IL15RA: variants seen among roughly 807,000 people sequenced by gnomAD.
IL15RA encodes the protein interleukin 15 receptor subunit alpha.
A neutral mutation model predicts 24.2 loss-of-function variants in IL15RA; 26 were observed. The ratio of observed to expected loss-of-function variants is 1.07; its 90% CI spans 0.79 to 1.49. IL15RA has a LOEUF of 1.49. Ranked by LOEUF, IL15RA falls within the 40% of genes most tolerant of loss-of-function variation. The pLI, the probability that IL15RA is intolerant of heterozygous loss-of-function variation, is 0.00. For synonymous variants in IL15RA, 166 were observed against 157.6 expected, an observed-to-expected ratio of 1.05 and a Z score of -0.40; for missense variants, 354 against 356.4, an observed-to-expected ratio of 0.99 and a Z score of 0.05.
rs1476408332 is a variant in IL15RA at position 5,961,394 on chromosome 10, AC to A, written c.383-828del. Among the ~76,000 whole-genome samples, 1 of 149,120 alleles carries A rather than the reference AC, an allele frequency of 6.7e-6. No homozygotes were observed. Among genetic ancestry groups the A allele is most frequent in the African/African-American group, 2.5e-5 (1 of 40,620 alleles). On this transcript the variant is annotated intron_variant, in intron 3 of 6. Coordinates refer to ENST00000379977, the MANE Select transcript of IL15RA (RefSeq NM_002189.4). The surrounding 1 kb of genome is among the most constrained non-coding windows in gnomAD (Gnocchi z 5.2). ...ACTCTAGCCTGGGGGACAGAGTGAG[AC>A]CCCTGTCTCTTAAAAAAAAAGGTGG...
chr10:5,956,782 G>T (rs972699542), intron 5 of IL15RA, among the ~76,000 whole-genome samples: 3 of 152,162 alleles, frequency 2.0e-5, no homozygotes, highest in Non-Finnish European at 2.9e-5. Flanking sequence ...AAAGCCAAGA[G>T]TGCGATGAGG....
rs751919329 is a variant in IL15RA at position 5,962,890 on chromosome 10, T to A, written c.382+853A>T. Among the ~76,000 whole-genome samples, 26 of 152,186 alleles carry A rather than the reference T, an allele frequency of 1.7e-4. No homozygotes were observed. Among genetic ancestry groups the A allele is most frequent in the Non-Finnish European group, 3.1e-4 (21 of 67,998 alleles). On this transcript the variant is annotated intron_variant, in intron 3 of 6. Transcript: ENST00000379977. This position sits in a 1 kb window ranked among gnomAD's most constrained non-coding sequence, Gnocchi z 5.2. ...CAGGGCGGAGGATCCCAAGAAAGCATCCAAGATTTCAAATTTTCTGAACAC... is the reference window on the plus strand; with the variant it reads ...CAGGGCGGAGGATCCCAAGAAAGCAACCAAGATTTCAAATTTTCTGAACAC...
downstream of IL15RA, among the ~76,000 whole-genome samples, chr10:5,951,499 G>A (rs1002559897): frequency 3.3e-5 from 5 of 152,058 alleles, no homozygotes; most frequent in Admixed American, 6.6e-5. Context: ...CTCCCCTCCC[G>A]CCCCACCTAC....
Position 5,952,947 on chromosome 10 carries a change from G to A in IL15RA, c.*148C>T, listed in dbSNP as rs1390278764. Reference sequence around the variant, plus strand: ...TCCCTCGCGCAGGAGGCGCCGACCCGGCAGTCCGTGAGATCCTGCTGGGAC... The same window carrying A: ...TCCCTCGCGCAGGAGGCGCCGACCCAGCAGTCCGTGAGATCCTGCTGGGAC... On this transcript the variant is annotated 3_prime_UTR_variant, in exon 7 of 7. Coordinates refer to ENST00000379977, the MANE Select transcript of IL15RA (RefSeq NM_002189.4). 4.8e-5 allele frequency: 32 copies of A among 662,062 alleles called. No homozygotes were observed. Among genetic ancestry groups the A allele is most frequent in the Non-Finnish European group, 7.8e-5 (29 of 371,940 alleles). 41.0% of individuals were successfully genotyped at this position (662,062 alleles called of 1,614,324 possible).
At chr10:5,957,401 G>A (rs1834707173) in intron 5 of IL15RA, among the ~76,000 whole-genome samples, 1 of 151,782 alleles carries the variant, frequency 6.6e-6, no homozygotes, top group South Asian at 2.1e-4. Context: ...TCAGCCTCCC[G>A]AGTAGCTGGG....
At chr10:5,976,037 C>G (rs906141897) in intron 1 of IL15RA, among the ~76,000 whole-genome samples, 35 of 152,222 alleles carry the variant, frequency 2.3e-4, no homozygotes, top group African/African-American at 8.2e-4. Flanking sequence ...GCTCCCCTAT[C>G]CACTCAGTCT....
Position 5,953,141 on chromosome 10 carries a change from G to T in IL15RA, c.758C>A (p.Thr253Asn). Residue 253 changes from threonine to asparagine, a missense_variant, in exon 7 of 7, where the codon ACC becomes AAC. Transcript: ENST00000379977. The surrounding 1 kb of genome is among the most constrained non-coding windows in gnomAD (Gnocchi z 5.3). ...TTCCAAGTCTTCATCTCTGCTGCTG[G>T]TCCCCCAAGTCACCGGCAGAGCCTC... ...AMEALPVTWG[T>N]SSRDEDLENC... The T allele has an allele frequency of 6.2e-7, 1 of 1,614,218 alleles. No individual in the cohort carries two copies. Among genetic ancestry groups the T allele is most frequent in the Non-Finnish European group, 8.5e-7 (1 of 1,180,030 alleles).
In IL15RA at chr10:5,953,090, G is replaced by A. The variant is rs767592486; in HGVS notation, c.*5C>T. Reference sequence around the variant, plus strand: ...CGGACTTAGCTGGGCTGGTTTCCCCGAGTTTCATAGGTGGTGAGAGCAGTT... The same window carrying A: ...CGGACTTAGCTGGGCTGGTTTCCCCAAGTTTCATAGGTGGTGAGAGCAGTT... On this transcript the variant is annotated 3_prime_UTR_variant, in exon 7 of 7. Coordinates refer to ENST00000379977, the MANE Select transcript of IL15RA (RefSeq NM_002189.4). The surrounding 1 kb of genome is among the most constrained non-coding windows in gnomAD (Gnocchi z 5.3). The A allele has an allele frequency of 1.9e-5, 30 of 1,605,428 alleles. No homozygotes were observed. In the East Asian group the frequency reaches 3.8e-4, roughly 20 times the overall value.
chr10:5,963,797 C>A lies in IL15RA; in HGVS notation c.328G>T (p.Val110Leu), dbSNP rs766534160. The change falls in exon 3 of 7, where the codon GTA (valine) becomes TTA (leucine). Residue 110 changes from valine (V) to leucine (L), a missense_variant. By Grantham distance (32) the Val-to-Leu change is conservative. Coordinates refer to ENST00000379977, the MANE Select transcript of IL15RA (RefSeq NM_002189.4). The surrounding 1 kb of genome is among the most constrained non-coding windows in gnomAD (Gnocchi z 5.3). ...VHQRPAPPST[V>L]TTAGVTPQPE... ...TGTGGGGTCACCCCTGCCGTCGTTA[C>A]TGTGGAGGGTGGCGCTGGCCTTTGG... is the stretch of plus-strand genomic sequence containing the variant. 1.8e-5 allele frequency: 27 copies of A among 1,538,578 alleles called. No individual in the cohort carries two copies. Among genetic ancestry groups the A allele is most frequent in the Non-Finnish European group, 2.3e-5 (27 of 1,154,164 alleles).
rs41294167 is a variant in IL15RA, at chr10:5,962,945, C to T, written c.382+798G>A. On this transcript the variant is annotated intron_variant, in intron 3 of 6. Coordinates refer to ENST00000379977, the MANE Select transcript of IL15RA (RefSeq NM_002189.4). This position sits in a 1 kb window ranked among gnomAD's most constrained non-coding sequence, Gnocchi z 5.2. Reference sequence around the variant, plus strand: ...AAAGCGCTGAGGAAATTGGGCCTGACAAGCACCAAAGACTCTGTTGAAACA... The same window carrying T: ...AAAGCGCTGAGGAAATTGGGCCTGATAAGCACCAAAGACTCTGTTGAAACA... Among the ~76,000 whole-genome samples, 718 of 152,360 alleles carry T rather than the reference C, an allele frequency of 4.7e-3. 3 individuals are homozygous for T. Among genetic ancestry groups the T allele is most frequent in the Non-Finnish European group, 8.1e-3 (551 of 68,036 alleles).
chr10:5,975,832 G>A lies in IL15RA; in HGVS notation c.88+1573C>T, dbSNP rs1838359036. ...CGCTTGAACCCAGGAGGCGGAGGTT[G>A]CAGTGAGCTGAGATCGCGCTACTGC... On this transcript the variant is annotated intron_variant, in intron 1 of 6. Coordinates refer to ENST00000379977, the MANE Select transcript of IL15RA (RefSeq NM_002189.4). The surrounding 1 kb of genome is among the most constrained non-coding windows in gnomAD (Gnocchi z 4.8). 6.6e-6 allele frequency among the ~76,000 whole-genome samples: 1 copy of A among 152,200 alleles called. No homozygotes were observed. The highest frequency in any genetic ancestry group is 6.5e-5 in the Admixed American group (1 of 15,282).
chr10:5,976,244 C>G (rs964637285), intron 1 of IL15RA, among the ~76,000 whole-genome samples: 5 of 143,610 alleles, frequency 3.5e-5, no homozygotes, highest in African/African-American at 1.3e-4. Flanking sequence ...CTCATGAAAA[C>G]GAAACTTCAA....
Position 5,954,913 on chromosome 10 carries a change from G to A in IL15RA, c.692+1466C>T, listed in dbSNP as rs1170222183. On this transcript the variant is annotated intron_variant, in intron 6 of 6. Transcript: ENST00000379977. Reference sequence around the variant, plus strand: ...TTTTGAATTCTTTGGACAAATTTTTGAGTAACATATCAATGTTTGTTAATT... The same window carrying A: ...TTTTGAATTCTTTGGACAAATTTTTAAGTAACATATCAATGTTTGTTAATT... 3.3e-5 allele frequency among the ~76,000 whole-genome samples: 5 copies of A among 152,116 alleles called. No homozygotes were observed. The East Asian group carries it at 9.7e-4, about 29-fold the overall frequency.
At position 5,963,073 on chromosome 10, in the gene IL15RA, T is replaced by C. The variant is rs1835870429; in HGVS notation, c.382+670A>G. Among the ~76,000 whole-genome samples the C allele has an allele frequency of 6.6e-6, 1 of 152,188 alleles. No homozygotes were observed. Among genetic ancestry groups the C allele is most frequent in the Non-Finnish European group, 1.5e-5 (1 of 68,036 alleles). On this transcript the variant is annotated intron_variant, in intron 3 of 6. Coordinates refer to ENST00000379977, the MANE Select transcript of IL15RA (RefSeq NM_002189.4). The surrounding 1 kb of genome is among the most constrained non-coding windows in gnomAD (Gnocchi z 5.3). ...GGCAGCTCTCCACAGGTCTCTCACA[T>C]TTTTGCACATCTTGCAGACAGAGGA...
In IL15RA at chr10:5,963,671, G is replaced by T; in HGVS notation, c.382+72C>A. On this transcript the variant is annotated intron_variant, in intron 3 of 6. Transcript: ENST00000379977. This position sits in a 1 kb window ranked among gnomAD's most constrained non-coding sequence, Gnocchi z 5.3. The stretch of plus-strand genomic sequence containing the variant: ...GCACACCACAGAGGTCCGTGAGTCT[G>T]CAGGATTGGTGAGCGGGCCTCTGGG... 1 of 906,692 alleles carries T rather than the reference G, an allele frequency of 1.1e-6. No individual in the cohort carries two copies. The highest frequency in any genetic ancestry group is 1.6e-6 in the Non-Finnish European group (1 of 619,778). 56.2% of individuals were successfully genotyped at this position (906,692 alleles called of 1,614,324 possible).
At position 5,957,303 on chromosome 10, in the gene IL15RA, T is replaced by A. The variant is rs1427897487; in HGVS notation, c.617-849A>T. ...TTCTTTCTTTCTTTTTGAGATGAAG[T>A]GTCATTTTGTTGCCCAAACTGGAGT... On this transcript the variant is annotated intron_variant, in intron 5 of 6. Coordinates refer to ENST00000379977, the MANE Select transcript of IL15RA (RefSeq NM_002189.4). 7.9e-5 allele frequency among the ~76,000 whole-genome samples: 12 copies of A among 151,936 alleles called. 1 individual carries two copies. Among genetic ancestry groups the A allele is most frequent in the Admixed American group, 7.9e-4 (12 of 15,254 alleles).
At chr10:5,949,400 A>C, downstream of IL15RA, 1 of 470,022 alleles carries the variant, frequency 2.1e-6, no homozygotes, top group Non-Finnish European at 4.4e-6. The surrounding 1 kb of genome is among the most constrained non-coding windows in gnomAD (Gnocchi z 4.4). Context: ...ATATTACCTA[A>C]AATATGCACA....
intron 1 of IL15RA, 24 bp downstream of exon 1, chr10:5,977,381 G>T: frequency 8.6e-7 from 1 of 1,164,536 alleles, no homozygotes; most frequent in Non-Finnish European, 1.1e-6. Flanking sequence ...TCCCGCCCGG[G>T]CGCCCCTGCT....
rs1393277857 is a variant in IL15RA, at chr10:5,967,176, G to A, written c.89-837C>T. Among the ~76,000 whole-genome samples, 4 of 19,168 alleles carry A rather than the reference G, an allele frequency of 2.1e-4. No individual in the cohort carries two copies. Among genetic ancestry groups the A allele is most frequent in the African/African-American group, 6.2e-4 (4 of 6,412 alleles). 12.6% of individuals were successfully genotyped at this position (19,168 alleles called of 152,430 possible). A position where few individuals can be genotyped will look rare whatever the true frequency, so the allele number is the denominator to read the frequency against. The stretch of plus-strand genomic sequence containing the variant: ...TACTTGCAAGATCGGGCCTTGCCTT[G>A]TCTTGCCTTGCCTTACCTTGCCTTA... On this transcript the variant is annotated intron_variant, in intron 1 of 6. Transcript: ENST00000379977. This position sits in a 1 kb window ranked among gnomAD's most constrained non-coding sequence, Gnocchi z 4.4.
Sources: gnomAD v4.1 joint callset for allele counts (sites outside exome capture counted in the v4.1 genomes callset) on GRCh38, gnomAD v4.1.1 for gene constraint, Gnocchi (gnomAD v3.1) non-coding constraint, MANE v1.5 for transcripts, NCBI Gene and HGNC (gene_info 2026-07-23, HGNC 2026-07-21) for gene names.